The following FIP1L1 variants were observed in gnomAD, a reference collection of about 807,000 sequenced individuals.
FIP1L1 encodes the protein factor interacting with PAPOLA and CPSF1, also known as pre-mRNA 3'-end-processing factor FIP1.
Under a neutral mutation model 84.6 loss-of-function variants are expected in FIP1L1, and 21 were observed. The observed-to-expected ratio is 0.25, with a 90% CI of 0.18 to 0.36. The LOEUF is 0.36. FIP1L1 is among the 10% of genes least tolerant of loss of function. The pLI is 1.00. For synonymous variants in FIP1L1, 263 were observed against 242.3 expected, an observed-to-expected ratio of 1.09 and a Z score of -0.80; for missense variants, 526 against 751.1, an observed-to-expected ratio of 0.70 and a Z score of 3.50.
In FIP1L1 at chr4:53,390,636, T is replaced by C. The variant is rs938294834; in HGVS notation, c.505+8T>C. ...AACCATGGCGTAAACCTGGTAAGAT[T>C]ATTGTGGATTATATTAATTTCAATA... On this transcript the variant is annotated splice_region_variant and intron_variant, in intron 7 of 17. Coordinates refer to ENST00000337488, the MANE Select transcript of FIP1L1 (RefSeq NM_030917.4). 6.5e-7 allele frequency: 1 copy of C among 1,542,526 alleles called. No homozygotes were observed. Among genetic ancestry groups the C allele is most frequent in the African/African-American group, 1.4e-5 (1 of 72,940 alleles).
intron 5 of FIP1L1, among the ~76,000 whole-genome samples, chr4:53,389,123 G>A (rs577973260): frequency 1.3e-5 from 2 of 152,112 alleles, no homozygotes; most frequent in East Asian, 1.9e-4. Context: ...ACCCACCACC[G>A]GCAAACACTG....
chr4:53,457,744 T>G (rs1720057619), intron 16 of FIP1L1, among the ~76,000 whole-genome samples: 1 of 152,140 alleles, frequency 6.6e-6, no homozygotes. Flanking sequence ...TTTACTGATG[T>G]TAAGTTGTAG....
intron 5 of FIP1L1, among the ~76,000 whole-genome samples, chr4:53,388,031 T>G (rs1380074704): frequency 6.6e-6 from 1 of 152,222 alleles, no homozygotes; most frequent in Non-Finnish European, 1.5e-5. Flanking sequence ...GTAGTAATAT[T>G]TGGTCCACTT....
At chr4:53,404,670 C>T (rs1317536771) in intron 10 of FIP1L1, among the ~76,000 whole-genome samples, 3 of 151,952 alleles carry the variant, frequency 2.0e-5, no homozygotes, top group Non-Finnish European at 2.9e-5. Flanking sequence ...CTCTCCAGCA[C>T]GTGTTGTTTC....
chr4:53,434,729 A>C (rs1768319628), intron 13 of FIP1L1, among the ~76,000 whole-genome samples: 2 of 152,088 alleles, frequency 1.3e-5, no homozygotes, highest in African/African-American at 4.8e-5. Flanking sequence ...CGGCTTCCCA[A>C]AGTGCTGGGA....
At chr4:53,389,614 TCGAGACCAG>T (rs1388640963) in intron 5 of FIP1L1, among the ~76,000 whole-genome samples, 186 bp from the exon 6 acceptor site, 1 of 152,184 alleles carries the variant, frequency 6.6e-6, no homozygotes, top group East Asian at 1.9e-4. Flanking sequence ...GCTCTGGAGT[TCGAGACCAG>T]CCTGGACAAC....
chr4:53,403,783 T>C (rs779369393), intron 10 of FIP1L1, among the ~76,000 whole-genome samples: 2 of 152,194 alleles, frequency 1.3e-5, no homozygotes, highest in Non-Finnish European at 2.9e-5. Flanking sequence ...CAATGCCGGC[T>C]GCAGGCATTG....
rs1284019267 is a variant in FIP1L1 at position 53,460,378 on chromosome 4, GAATA to G, written c.*933_*936del. Reference sequence around the variant, plus strand: ...GTAACAAATAACATGGTATTTGAAAGAATAAATTACTAGGATCTTTTAAATAGTG... The same window carrying G: ...GTAACAAATAACATGGTATTTGAAAGAATTACTAGGATCTTTTAAATAGTG... On this transcript the variant is annotated 3_prime_UTR_variant, in exon 18 of 18. Coordinates refer to ENST00000337488, the MANE Select transcript of FIP1L1 (RefSeq NM_030917.4). The G allele has an allele frequency of 1.6e-5, 3 of 190,056 alleles. No individual in the cohort carries two copies. Among genetic ancestry groups the G allele is most frequent in the Non-Finnish European group, 3.3e-5 (3 of 90,916 alleles). 11.8% of individuals were successfully genotyped at this position (190,056 alleles called of 1,614,324 possible).
intron 3 of FIP1L1, 99 bp downstream of exon 3, chr4:53,379,363 A>G: frequency 9.9e-7 from 1 of 1,011,686 alleles, no homozygotes; most frequent in Non-Finnish European, 1.5e-6. Flanking sequence ...TGGCTTCATT[A>G]CAACACTGAC....
intron 1 of FIP1L1, chr4:53,378,816 T>G (rs1736175695): frequency 2.1e-6 from 1 of 483,346 alleles, no homozygotes; most frequent in Non-Finnish European, 3.6e-6. Flanking sequence ...AAAAGTGCAC[T>G]TTGGGCACCA....
At chr4:53,420,275 A>G in intron 11 of FIP1L1, among the ~76,000 whole-genome samples, 1 of 148,666 alleles carries the variant, frequency 6.7e-6, no homozygotes, top group East Asian at 2.0e-4. Flanking sequence ...AAAAAAATTA[A>G]AAAAAAAATA....
In FIP1L1 at chr4:53,391,436, G is replaced by T. The variant is rs1744199793; in HGVS notation, c.643G>T (p.Asp215Tyr). ...AATATGTTATTTAACTTAGGCCGAA[G>T]ACTGTACTATGGAAGTTACACCAGG... ...TSTTNKITAE[D>Y]CTMEVTPGAE... Residue 215 changes from aspartate (D) to tyrosine (Y), a missense_variant, in exon 9 of 18, where the codon GAC (aspartate) becomes TAC (tyrosine). Asp to Tyr is a radical substitution (Grantham distance 160). Around this residue, in one of 6 missense-constraint regions of FIP1L1, gnomAD observed 169 missense variants for 206.9 expected, o/e 0.82. Transcript: ENST00000337488. 19 of 1,612,606 alleles carry T rather than the reference G, an allele frequency of 1.2e-5. No homozygotes were observed. Among genetic ancestry groups the T allele is most frequent in the Non-Finnish European group, 1.4e-5 (17 of 1,178,782 alleles).
chr4:53,460,832 G>T lies in FIP1L1; in HGVS notation c.*1383G>T. 5 of 1,321,696 alleles carry T rather than the reference G, an allele frequency of 3.8e-6. No individual in the cohort carries two copies. Among genetic ancestry groups the T allele is most frequent in the South Asian group, 1.4e-5 (1 of 70,050 alleles). 81.9% of individuals were successfully genotyped at this position (1,321,696 alleles called of 1,614,324 possible). The stretch of plus-strand genomic sequence containing the variant: ...TATTCTTTCTTTAAATATAAAAACT[G>T]ACAAGATAAATATAGTGTTTCAACT... On this transcript the variant is annotated 3_prime_UTR_variant, in exon 18 of 18. Transcript: ENST00000337488.
chr4:53,390,415 A>C, intron 6 of FIP1L1, 106 bp from the exon 7 acceptor site: 1 of 668,018 alleles, frequency 1.5e-6, no homozygotes, highest in South Asian at 2.0e-5. Flanking sequence ...TTGTGTGTGT[A>C]TATGTGCCAG....
intron 11 of FIP1L1, among the ~76,000 whole-genome samples, chr4:53,422,423 C>CTT (rs1465171466): frequency 6.6e-6 from 1 of 151,810 alleles, no homozygotes; most frequent in Non-Finnish European, 1.5e-5. Flanking sequence ...CATATTTTCT[C>CTT]TTAGACTCAG....
chr4:53,397,924 TGAAA>T (rs1275567840), intron 9 of FIP1L1, among the ~76,000 whole-genome samples: 2 of 152,208 alleles, frequency 1.3e-5, no homozygotes, highest in Non-Finnish European at 2.9e-5. Flanking sequence ...CTGTTAGACA[TGAAA>T]GAAGTTACAT....
In FIP1L1 at chr4:53,444,031, A is replaced by G. The variant is rs1265251430; in HGVS notation, c.1230-17A>G. The stretch of plus-strand genomic sequence containing the variant: ...TTATTTGTACCAGACATAAAAATAT[A>G]TCTTTTTCTTCAACAGTGGACATTC... On this transcript the variant is annotated splice_polypyrimidine_tract_variant and intron_variant, in intron 14 of 17. Transcript: ENST00000337488. 4 of 1,585,616 alleles carry G rather than the reference A, an allele frequency of 2.5e-6. No homozygotes were observed. Among genetic ancestry groups the G allele is most frequent in the Non-Finnish European group, 3.5e-6 (4 of 1,156,598 alleles).
rs748080796 is a variant in FIP1L1, at chr4:53,425,844, C to A, written c.924-28C>A. On this transcript the variant is annotated intron_variant, in intron 11 of 17. Transcript: ENST00000337488. Reference sequence around the variant, plus strand: ...TTTTTAAGCATCTAATTAGGTGAAACTGAATTGATTCAATTTTTATGTTAC... The same window carrying A: ...TTTTTAAGCATCTAATTAGGTGAAAATGAATTGATTCAATTTTTATGTTAC... 14 of 1,504,734 alleles carry A rather than the reference C, an allele frequency of 9.3e-6. No homozygotes were observed. The African/African-American group carries it at 1.1e-4, about 12-fold the overall frequency. 93.2% of individuals were successfully genotyped at this position (1,504,734 alleles called of 1,614,324 possible).
At chr4:53,436,210 T>C (rs1769124710) in intron 13 of FIP1L1, among the ~76,000 whole-genome samples, 2 of 152,182 alleles carry the variant, frequency 1.3e-5, no homozygotes, top group South Asian at 4.1e-4. Flanking sequence ...TAAAACAACA[T>C]ACATTTATTA....
Sources: gnomAD v4.1 joint callset for allele counts (sites outside exome capture counted in the v4.1 genomes callset) on GRCh38, gnomAD v4.1.1 for gene constraint, gnomAD v4.1.1 regional missense constraint, MANE v1.5 for transcripts, NCBI Gene and HGNC (gene_info 2026-07-23, HGNC 2026-07-21) for gene names.